The following RIC8B variants were observed in gnomAD, a reference collection of about 807,000 sequenced individuals.
The protein encoded by RIC8B is RIC8 guanine nucleotide exchange factor B.
Under a neutral mutation model 57.5 loss-of-function variants are expected in RIC8B, and 16 were observed. The observed-to-expected ratio is 0.28, with a 90% CI of 0.19 to 0.42. The LOEUF (loss-of-function observed/expected upper bound fraction) is 0.42. Among genes scored for constraint, RIC8B ranks in the 10% least tolerant of loss-of-function variants. RIC8B has a pLI of 1.00. For synonymous variants in RIC8B, 216 were observed against 250.8 expected, an observed-to-expected ratio of 0.86 and a Z score of 1.31; for missense variants, 481 against 677.0, an observed-to-expected ratio of 0.71 and a Z score of 3.21.
rs1475142528 is a variant in RIC8B, at chr12:106,800,512, T to C, written c.133-14184T>C. Among the ~76,000 whole-genome samples the C allele has an allele frequency of 2.6e-5, 4 of 152,212 alleles. No individual in the cohort carries two copies. The East Asian group carries it at 7.7e-4, about 29-fold the overall frequency. ...CCAGGGATTGCATTTCAACATGAGA[T>C]TGAGGGGGGACACAGATCCAAACCA... On this transcript the variant is annotated intron_variant, in intron 2 of 9. Coordinates refer to ENST00000392837, the MANE Select transcript of RIC8B (RefSeq NM_001330145.2).
intron 2 of RIC8B, among the ~76,000 whole-genome samples, chr12:106,798,543 C>T (rs1218380139): frequency 6.6e-6 from 1 of 152,096 alleles, no homozygotes; most frequent in Non-Finnish European, 1.5e-5. Context: ...CCTTCTAAGG[C>T]ATCCTACACT....
intron 1 of RIC8B, 52 bp downstream of exon 1, chr12:106,774,881 C>G (rs1039931966): frequency 6.5e-5 from 87 of 1,340,468 alleles, no homozygotes; most frequent in Non-Finnish European, 8.7e-5. Context: ...GGCCGCCCTC[C>G]GTGCTTGCAC....
intron 2 of RIC8B, among the ~76,000 whole-genome samples, chr12:106,808,084 C>CAAA (rs35018524): frequency 9.2e-6 from 1 of 108,302 alleles, no homozygotes; most frequent in East Asian, 2.8e-4. Flanking sequence ...GACTCTGTCT[C>CAAA]AAAAAAAAAA....
chr12:106,809,238 G>T (rs1284810630), intron 2 of RIC8B, among the ~76,000 whole-genome samples: 1 of 152,064 alleles, frequency 6.6e-6, no homozygotes, highest in Non-Finnish European at 1.5e-5. Context: ...GAATTGTGTG[G>T]TGGGACCGGG....
intron 9 of RIC8B, among the ~76,000 whole-genome samples, chr12:106,885,313 G>C (rs560662230): frequency 6.6e-6 from 1 of 152,104 alleles, no homozygotes; most frequent in African/African-American, 2.4e-5. Context: ...TTTTAGAAAG[G>C]AGGAGGAGGA....
At chr12:106,837,639 G>GT (rs375634080) in intron 4 of RIC8B, among the ~76,000 whole-genome samples, 10,418 of 115,276 alleles carry the variant, frequency 0.09, 1,058 homozygotes, top group African/African-American at 0.21. Context: ...AAAATCTTTT[G>GT]TTTTTTTTTT....
At chr12:106,816,065 G>A (rs984269357) in intron 3 of RIC8B, among the ~76,000 whole-genome samples, 1 of 152,154 alleles carries the variant, frequency 6.6e-6, no homozygotes, top group Admixed American at 6.5e-5. Flanking sequence ...AACAAATTAA[G>A]TGAAGTAGAC....
intron 9 of RIC8B, among the ~76,000 whole-genome samples, chr12:106,880,350 C>T (rs1950866566): frequency 6.6e-6 from 1 of 152,086 alleles, no homozygotes; most frequent in Admixed American, 6.6e-5. Flanking sequence ...AACCTAGCAG[C>T]TTTTTAAATA....
At chr12:106,866,168 GTTTT>G (rs869160455) in intron 8 of RIC8B, among the ~76,000 whole-genome samples, 6 of 151,338 alleles carry the variant, frequency 4.0e-5, no homozygotes, top group African/African-American at 1.5e-4. Context: ...GGGAAGAGGA[GTTTT>G]TGTTTTTTTG....
At chr12:106,784,991 C>T (rs1463565438) in intron 2 of RIC8B, among the ~76,000 whole-genome samples, 1 of 152,190 alleles carries the variant, frequency 6.6e-6, no homozygotes, top group African/African-American at 2.4e-5. Context: ...CAGTTACATG[C>T]TTTTCTAGTA....
intron 4 of RIC8B, among the ~76,000 whole-genome samples, chr12:106,835,076 C>G (rs1035279262): frequency 6.6e-6 from 1 of 151,308 alleles, no homozygotes; most frequent in East Asian, 1.9e-4. Context: ...ATCTACCTCA[C>G]TTTGCAGACT....
intron 2 of RIC8B, among the ~76,000 whole-genome samples, chr12:106,788,009 G>A (rs1023912721): frequency 5.3e-5 from 8 of 152,166 alleles, no homozygotes; most frequent in Non-Finnish European, 1.0e-4. Flanking sequence ...TTCCGCCTAT[G>A]AGCCTGTAAA....
intron 4 of RIC8B, among the ~76,000 whole-genome samples, chr12:106,840,172 T>A (rs2046805967): frequency 6.6e-6 from 1 of 152,218 alleles, no homozygotes; most frequent in African/African-American, 2.4e-5. Flanking sequence ...GCTATGGATC[T>A]ACGTGTGCCA....
chr12:106,883,140 G>T (rs1951027981), intron 9 of RIC8B, among the ~76,000 whole-genome samples: 2 of 151,998 alleles, frequency 1.3e-5, no homozygotes, highest in African/African-American at 4.8e-5. Flanking sequence ...TATCCACCCA[G>T]CAGTTTATCA....
intron 2 of RIC8B, among the ~76,000 whole-genome samples, chr12:106,788,749 A>G (rs2044142792): frequency 6.6e-6 from 1 of 152,130 alleles, no homozygotes; most frequent in South Asian, 2.1e-4. Flanking sequence ...ACAGCCAGGG[A>G]CACTGGGCCC....
chr12:106,871,264 T>G (rs1950390651), intron 9 of RIC8B: 1 of 186,028 alleles, frequency 5.4e-6, no homozygotes, highest in African/African-American at 2.3e-5. Context: ...CTGCTTGTAT[T>G]TTTGTTTTAG....
intron 9 of RIC8B, among the ~76,000 whole-genome samples, chr12:106,880,812 C>T (rs913462968): frequency 6.6e-6 from 1 of 151,948 alleles, no homozygotes; most frequent in South Asian, 2.1e-4. Context: ...TGGACTCTGC[C>T]CTCAAGTTGC....
At chr12:106,774,915 C>T (rs2043377505) in intron 1 of RIC8B, 86 bp downstream of exon 1, 2 of 990,740 alleles carry the variant, frequency 2.0e-6, no homozygotes, top group Non-Finnish European at 3.0e-6. Context: ...CCACCCCCCT[C>T]ATTCCGGGGA....
At chr12:106,785,419 C>T (rs2043959669) in intron 2 of RIC8B, among the ~76,000 whole-genome samples, 1 of 152,164 alleles carries the variant, frequency 6.6e-6, no homozygotes, top group African/African-American at 2.4e-5. Flanking sequence ...TCAATATTCT[C>T]ATAATACTCT....
Sources: gnomAD v4.1 joint callset for allele counts (sites outside exome capture counted in the v4.1 genomes callset) on GRCh38, gnomAD v4.1.1 for gene constraint, MANE v1.5 for transcripts, NCBI Gene and HGNC (gene_info 2026-07-23, HGNC 2026-07-21) for gene names.